BCR: variants seen among roughly 807,000 people sequenced by gnomAD.
BCR encodes BCR activator of RhoGEF and GTPase, also known as breakpoint cluster region protein.
BCR carries 58 observed loss-of-function variants against 138.6 expected under a neutral mutation model. The ratio of observed to expected loss-of-function variants is 0.42; its 90% confidence interval spans 0.34 to 0.52. The LOEUF (loss-of-function observed/expected upper bound fraction) is 0.52, where lower values mean the gene tolerates loss of function less well. BCR is among the 20% of genes least tolerant of loss of function. The probability of loss-of-function intolerance (pLI) is 0.06; values close to 1 mark genes in which losing one functional copy is unlikely to be tolerated. For missense variants in BCR, 1,599 were observed against 1,727.2 expected (o/e 0.93, Z 1.32); for synonymous variants, 786 against 730.1 (o/e 1.08, Z -1.23).
chr22:23,240,966 C>T (rs897748483), intron 1 of BCR, among the ~76,000 whole-genome samples: 2 of 152,230 alleles, frequency 1.3e-5, no homozygotes, highest in Non-Finnish European at 2.9e-5. Context: ...TTTCACTTAG[C>T]ATAATGTCCT....
intron 1 of BCR, chr22:23,198,170 G>A (rs1267701596): frequency 2.7e-5 from 10 of 371,422 alleles, no homozygotes; most frequent in South Asian, 2.0e-4. Flanking sequence ...GAGTATAGGA[G>A]AGACCAGAGC....
At chr22:23,264,274 C>T in intron 4 of BCR, 3 of 919,730 alleles carry the variant, frequency 3.3e-6, no homozygotes, top group Non-Finnish European at 5.5e-6. Context: ...CTCGGCAGCC[C>T]TGTGTACTGC....
In BCR at chr22:23,277,764, C is replaced by G. The variant is rs191818841; in HGVS notation, c.2115+3990C>G. Among the ~76,000 whole-genome samples the G allele has an allele frequency of 3.9e-5, 6 of 152,302 alleles. 1 individual carries two copies. Among genetic ancestry groups the G allele is most frequent in the African/African-American group, 1.4e-4 (6 of 41,554 alleles). On this transcript the variant is annotated intron_variant, in intron 8 of 22. Coordinates refer to ENST00000305877, the MANE Select transcript of BCR (RefSeq NM_004327.4). The stretch of plus-strand genomic sequence containing the variant: ...CCCCAGCCCCAGACCCCCACTGTGG[C>G]TCCTATAATCTCATTGCCCTTTTCA...
chr22:23,290,279 T>C, intron 13 of BCR, 60 bp from the exon 14 acceptor site: 6 of 1,529,472 alleles, frequency 3.9e-6, no homozygotes, highest in Non-Finnish European at 4.5e-6. Flanking sequence ...CAGAGTTAGC[T>C]TGTCACCTGC....
intron 10 of BCR, among the ~76,000 whole-genome samples, chr22:23,286,887 G>A (rs1388581863): frequency 2.6e-5 from 4 of 152,182 alleles, no homozygotes; most frequent in African/African-American, 4.8e-5. Context: ...TCTTCTCTCC[G>A]CCCTTGTGAG....
intron 1 of BCR, chr22:23,242,835 C>A (rs1241921199): frequency 2.2e-6 from 1 of 455,154 alleles, no homozygotes; most frequent in East Asian, 7.0e-5. Flanking sequence ...GACTGAAGTC[C>A]CACATCAAGG....
At chr22:23,202,721 T>TGTG (rs369930434) in intron 1 of BCR, among the ~76,000 whole-genome samples, 11 of 142,866 alleles carry the variant, frequency 7.7e-5, no homozygotes, top group African/African-American at 2.7e-4. Context: ...ATTCAATTGT[T>TGTG]TGTGTGTGTG....
intron 4 of BCR, chr22:23,262,998 G>A (rs1282177758): frequency 1.1e-5 from 9 of 851,344 alleles, no homozygotes; most frequent in South Asian, 2.4e-5. Flanking sequence ...CGTAGGGGCC[G>A]GGAAAGAGGC....
intron 4 of BCR, chr22:23,263,207 A>C (rs966370294): frequency 4.3e-6 from 4 of 930,466 alleles, no homozygotes; most frequent in Non-Finnish European, 6.3e-6. Context: ...CTGCGGGGCC[A>C]GCGCTCTGGC....
intron 2 of BCR, among the ~76,000 whole-genome samples, chr22:23,256,918 CTAGG>C (rs2073301305): frequency 6.6e-6 from 1 of 152,104 alleles, no homozygotes; most frequent in Non-Finnish European, 1.5e-5. Context: ...TTGTACCCAC[CTAGG>C]TAGGGTCATG....
At chr22:23,203,948 G>A (rs1031220275) in intron 1 of BCR, among the ~76,000 whole-genome samples, 8 of 152,204 alleles carry the variant, frequency 5.3e-5, no homozygotes, top group African/African-American at 1.9e-4. Flanking sequence ...GGCTGCACTT[G>A]GCTGGCAGAA....
intron 1 of BCR, among the ~76,000 whole-genome samples, chr22:23,232,767 C>T (rs1396936931): frequency 6.6e-6 from 1 of 152,178 alleles, no homozygotes; most frequent in Non-Finnish European, 1.5e-5. Context: ...TGAATGCTGC[C>T]GTGTCGCATT....
At chr22:23,251,458 G>C (rs1017331986) in intron 1 of BCR, among the ~76,000 whole-genome samples, 10 of 152,238 alleles carry the variant, frequency 6.6e-5, no homozygotes. Context: ...GGGACGAGAA[G>C]TGGAGAACCT....
At chr22:23,209,002 C>T (rs2072649359) in intron 1 of BCR, among the ~76,000 whole-genome samples, 1 of 152,156 alleles carries the variant, frequency 6.6e-6, no homozygotes, top group Non-Finnish European at 1.5e-5. Flanking sequence ...GTCTTTTGTT[C>T]CTGGCTTATT....
chr22:23,314,729 G>C lies in BCR; in HGVS notation c.3726+15G>C, dbSNP rs201258144. The stretch of plus-strand genomic sequence containing the variant: ...TCATGTCCCAGGTATGGGAAGACAG[G>C]CTCCAGCCCATGCAACCCTGACCTG... On this transcript the variant is annotated intron_variant, in intron 22 of 22. Transcript: ENST00000305877. 341 of 1,611,606 alleles carry C rather than the reference G, an allele frequency of 2.1e-4. 5 individuals are homozygous for C. In the South Asian group the frequency reaches 2.8e-3, roughly 13 times the overall value.
chr22:23,184,917 G>A (rs145632453), intron 1 of BCR, among the ~76,000 whole-genome samples: 43 of 152,282 alleles, frequency 2.8e-4, no homozygotes, highest in African/African-American at 9.6e-4. Context: ...AATCACTCAT[G>A]GGGGTGGGTG....
intron 1 of BCR, chr22:23,199,129 A>C (rs2072517143): frequency 3.0e-6 from 1 of 328,500 alleles, no homozygotes; most frequent in South Asian, 2.3e-5. Flanking sequence ...TCTCAAAAAA[A>C]AAAAAAAGAA....
At chr22:23,298,838 T>C (rs1347337269) in intron 16 of BCR, among the ~76,000 whole-genome samples, 1 of 152,166 alleles carries the variant, frequency 6.6e-6, no homozygotes, top group Non-Finnish European at 1.5e-5. Flanking sequence ...CCTCCAGTGG[T>C]CCACCCGCCT....
intron 1 of BCR, among the ~76,000 whole-genome samples, chr22:23,237,418 G>C (rs928364978): frequency 1.3e-5 from 2 of 152,254 alleles, no homozygotes; most frequent in African/African-American, 4.8e-5. Flanking sequence ...GGACCAGGTT[G>C]TCACACCCAC....
Sources: allele counts gnomAD v4.1 joint callset (sites outside exome capture counted in the v4.1 genomes callset), GRCh38; gene constraint gnomAD v4.1.1; transcripts MANE v1.5; gene names NCBI Gene and HGNC (gene_info 2026-07-23, HGNC 2026-07-21).